Variants in TRPM5 observed in about 807,000 individuals in gnomAD.
The protein encoded by TRPM5 is MLSN1 and TRP-related.
In TRPM5, 121 loss-of-function variants were observed where a neutral mutation model predicts 124.9. That is an observed-to-expected ratio of 0.97 (90% CI 0.84 to 1.13). The LOEUF is 1.13. Ranked by LOEUF, TRPM5 falls within the 50% of genes most tolerant of loss-of-function variation. TRPM5 has a pLI of 0.00. For synonymous variants in TRPM5, 781 were observed against 700.5 expected (o/e 1.11, Z -1.81); for missense variants, 1,643 against 1,589.1 (o/e 1.03, Z -0.58).
intron 11 of TRPM5, 35 bp downstream of exon 16, chr11:2,414,680 G>GA (rs1554954885): frequency 6.0e-6 from 9 of 1,509,078 alleles, no homozygotes; most frequent in Non-Finnish European, 7.1e-6. Context: ...ATCCTCCCCC[G>GA]CGCGCGGGCC....
intron 18 of TRPM5, among the ~76,000 whole-genome samples, chr11:2,409,269 G>A (rs1850392573): frequency 6.6e-6 from 1 of 152,094 alleles, no homozygotes; most frequent in Non-Finnish European, 1.5e-5. Context: ...TCTGTTCCTG[G>A]GCAGACTGAT....
intron 3 of TRPM5, 136 bp from the exon 9 acceptor site, chr11:2,420,541 C>T: frequency 1.1e-6 from 1 of 883,166 alleles, no homozygotes; most frequent in Non-Finnish European, 1.7e-6. Flanking sequence ...GCCTTGGTTT[C>T]CCCACCCTTC....
rs114022424 is a variant in TRPM5 at position 2,417,752 on chromosome 11, C to T, written c.984G>A (p.Thr328=). ...CTTTCACCAGCGCCTTCAGGATGACCGTGTCCAGCTCCTCGGAGCCCTCCT... is the reference window on the plus strand; with the variant it reads ...CTTTCACCAGCGCCTTCAGGATGACTGTGTCCAGCTCCTCGGAGCCCTCCT... The change falls in exon 7 of 24, where the codon ACG becomes ACA. Residue 328 remains threonine, a synonymous_variant. Transcript: ENST00000155858. 877 of 1,592,300 alleles carry T rather than the reference C, an allele frequency of 5.5e-4. 5 individuals are homozygous for T. The African/African-American group carries it at 0.01, about 18-fold the overall frequency.
chr11:2,405,899 T>C, intron 22 of TRPM5, 120 bp downstream of exon 27: 3 of 949,828 alleles, frequency 3.2e-6, no homozygotes, highest in Non-Finnish European at 4.9e-6. Context: ...GGGGTGCTCC[T>C]GTCCTGGCTC....
chr11:2,412,017 T>A, intron 16 of TRPM5, 118 bp downstream of exon 21: 1 of 992,446 alleles, frequency 1.0e-6, no homozygotes, highest in African/African-American at 1.6e-5. Flanking sequence ...CCCACCCACC[T>A]CAGCCTCCTG....
At chr11:2,409,486 G>A (rs1015148462) in intron 18 of TRPM5, among the ~76,000 whole-genome samples, 3 of 152,196 alleles carry the variant, frequency 2.0e-5, no homozygotes, top group East Asian at 1.9e-4. Flanking sequence ...GAACAAGCTC[G>A]TCACCACAGC....
chr11:2,414,604 G>C, intron 11 of TRPM5, 111 bp downstream of exon 16: 1 of 1,393,986 alleles, frequency 7.2e-7, no homozygotes, highest in Non-Finnish European at 9.4e-7. Flanking sequence ...AGGGCACCTG[G>C]AGCCCCACGG....
chr11:2,406,344 T>C (rs984734881), intron 21 of TRPM5, among the ~76,000 whole-genome samples: 1 of 151,296 alleles, frequency 6.6e-6, no homozygotes, highest in African/African-American at 2.4e-5. Context: ...AGAAAGACGG[T>C]GCAGGGCAGG....
chr11:2,406,245 G>T, intron 21 of TRPM5, 154 bp from the exon 27 acceptor site: 1 of 785,018 alleles, frequency 1.3e-6, no homozygotes, highest in Non-Finnish European at 2.1e-6. Flanking sequence ...GTGGCACCAG[G>T]ACCCCTCAAA....
chr11:2,437,030 TCTCTA>T, the TRPM5 span, among the ~76,000 whole-genome samples: 3 of 152,170 alleles, frequency 2.0e-5, no homozygotes, highest in African/African-American at 7.2e-5. The surrounding 1 kb of genome is among the most constrained non-coding windows in gnomAD (Gnocchi z 5.6). Flanking sequence ...GCTCCCCACC[TCTCTA>T]CTCTGCCCCA....
chr11:2,407,607 A>T, intron 19 of TRPM5, 152 bp downstream of exon 24: 1 of 1,027,460 alleles, frequency 9.7e-7, no homozygotes, highest in Non-Finnish European at 1.4e-6. Flanking sequence ...AAAGCCCTGC[A>T]GTCCAGGCTA....
the TRPM5 span, among the ~76,000 whole-genome samples, chr11:2,437,248 TGTC>T: frequency 1.3e-5 from 2 of 152,334 alleles, no homozygotes; most frequent in South Asian, 2.1e-4. The surrounding 1 kb of genome is among the most constrained non-coding windows in gnomAD (Gnocchi z 5.6). Context: ...GTTCCCAGCT[TGTC>T]GTCTTGGAAG....
At chr11:2,415,299 C>G (rs779400438) in exon 9 of TRPM5, 5 of 1,579,862 alleles carry the variant, frequency 3.2e-6, no homozygotes, top group Admixed American at 1.8e-5. Context: ...CTCCTGCTTC[C>G]GCTGCAGCAG....
chr11:2,436,013 A>T, the TRPM5 span, among the ~76,000 whole-genome samples: 1 of 152,212 alleles, frequency 6.6e-6, no homozygotes, highest in African/African-American at 2.4e-5. Flanking sequence ...CAGCCAGCGT[A>T]TCTCCCAGAA....
chr11:2,415,933 C>G, exon 8 of TRPM5: 1 of 1,578,728 alleles, frequency 6.3e-7, no homozygotes, highest in Non-Finnish European at 8.6e-7. Context: ...CATTGAAGAT[C>G]TCACTCTTGG....
At chr11:2,416,014 G>T (rs1189855445) in exon 8 of TRPM5, 2 of 1,594,604 alleles carry the variant, frequency 1.3e-6, no homozygotes, top group African/African-American at 1.3e-5. Flanking sequence ...CCTGGCTGTG[G>T]CTCTTGCAGG....
chr11:2,417,927 C>T, intron 6 of TRPM5, 98 bp from the exon 12 acceptor site: 1 of 1,245,168 alleles, frequency 8.0e-7, no homozygotes, highest in Non-Finnish European at 1.1e-6. Context: ...GCAGCGTCCC[C>T]AGGTGAGCCT....
chr11:2,422,207 A>C (rs2133536035), exon 2 of TRPM5: 2 of 1,612,332 alleles, frequency 1.2e-6, no homozygotes, highest in Non-Finnish European at 1.7e-6. Context: ...TTCATGGCGA[A>C]AGGCTGCTCC....
exon 15 of TRPM5, chr11:2,412,893 A>C (rs1383309960): frequency 6.3e-7 from 1 of 1,597,522 alleles, no homozygotes; most frequent in Non-Finnish European, 8.5e-7. Context: ...GTACATGACC[A>C]CGTTCCCCAG....
Sources: gnomAD v4.1 joint callset for allele counts (sites outside exome capture counted in the v4.1 genomes callset) on GRCh38, gnomAD v4.1.1 for gene constraint, Gnocchi (gnomAD v3.1) non-coding constraint, MANE v1.5 for transcripts, NCBI Gene and HGNC (gene_info 2026-07-23, HGNC 2026-07-21) for gene names.